The following CASP6 variants were observed in gnomAD, a reference collection of about 807,000 sequenced individuals.
The protein encoded by CASP6 is caspase-6.
In CASP6, 20 loss-of-function variants were observed where a neutral mutation model predicts 31.8. The observed-to-expected ratio is 0.63, with a 90% CI of 0.44 to 0.91. CASP6 has a LOEUF of 0.91. Ranked by LOEUF, CASP6 falls within the 40% of genes least tolerant of loss-of-function variation. CASP6 has a pLI of 0.00. For missense variants in CASP6, 328 were observed against 361.1 expected, an observed-to-expected ratio of 0.91 and a Z score of 0.74; for synonymous variants, 130 against 127.8, an observed-to-expected ratio of 1.02 and a Z score of -0.12.
chr4:109,708,340 T>G (rs1321849931), upstream of CASP6, among the ~76,000 whole-genome samples: 1 of 152,240 alleles, frequency 6.6e-6, no homozygotes, highest in Non-Finnish European at 1.5e-5. Context: ...TAAGTGACTG[T>G]GAAGGACTCA....
chr4:109,697,406 G>C (rs1730279844), intron 3 of CASP6, among the ~76,000 whole-genome samples: 1 of 150,264 alleles, frequency 6.7e-6, no homozygotes, highest in Admixed American at 6.6e-5. Flanking sequence ...AGAGTAGCTG[G>C]GACTACCGCC....
chr4:109,666,944 G>A, the CASP6 span, among the ~76,000 whole-genome samples: 23 of 152,204 alleles, frequency 1.5e-4, no homozygotes, highest in Admixed American at 9.2e-4. Flanking sequence ...ATCCCACTTA[G>A]TTGTGGTGTA....
At chr4:109,682,893 C>T in the CASP6 span, 1 of 581,134 alleles carries the variant, frequency 1.7e-6, no homozygotes, top group Non-Finnish European at 3.0e-6. Flanking sequence ...CTTTTATCTT[C>T]CTCATTTTTC....
upstream of CASP6, among the ~76,000 whole-genome samples, chr4:109,705,979 A>T (rs1730587437): frequency 2.4e-5 from 1 of 41,668 alleles, no homozygotes; most frequent in African/African-American, 1.5e-4. Flanking sequence ...CTCTTTAAAA[A>T]AAAAAAAAAA....
At chr4:109,680,732 GAC>G in the CASP6 span, among the ~76,000 whole-genome samples, 2 of 152,176 alleles carry the variant, frequency 1.3e-5, no homozygotes, top group Non-Finnish European at 2.9e-5. Context: ...CAGGACTACT[GAC>G]ACAAACTGGA....
the CASP6 span, among the ~76,000 whole-genome samples, chr4:109,664,934 T>C: frequency 9.6e-5 from 9 of 93,720 alleles, no homozygotes; most frequent in African/African-American, 4.9e-4. Context: ...GTATAGCTCT[T>C]AACTCTTGTA....
At position 109,690,896 on chromosome 4, in the gene CASP6, C is replaced by T. The variant is rs1221820476; in HGVS notation, c.597G>A (p.Thr199=). The T allele has an allele frequency of 3.7e-6, 6 of 1,612,920 alleles. No individual in the cohort carries two copies. In the East Asian group the frequency reaches 6.7e-5, roughly 18 times the overall value. The change falls in exon 6 of 7, where the codon ACG becomes ACA. Residue 199 remains threonine, a synonymous_variant. Coordinates refer to ENST00000265164, the MANE Select transcript of CASP6 (RefSeq NM_001226.4). ...ITEVDAASVY[T]LPAGADFLMC... is the part of the protein sequence containing the mutation. ...TGAGGAAGTCAGCTCCAGCAGGCAG[C>T]GTGTAAACGGAGGCTGCATCCACCT... is the stretch of plus-strand genomic sequence containing the variant.
At chr4:109,709,065 T>C in the CASP6 span, among the ~76,000 whole-genome samples, 1 of 152,340 alleles carries the variant, frequency 6.6e-6, no homozygotes, top group South Asian at 2.1e-4. Context: ...TCCAGAGTTT[T>C]TGAGACAGTA....
chr4:109,705,999 AAAATATATATATATATATATATATAT>A (rs1730595477), upstream of CASP6, among the ~76,000 whole-genome samples: 1 of 36,014 alleles, frequency 2.8e-5, no homozygotes, highest in Non-Finnish European at 4.6e-5. Context: ...AAAAAAAAAA[AAAATATATATATATATATATATATAT>A]ATATATAATA....
the CASP6 span, among the ~76,000 whole-genome samples, chr4:109,677,106 G>GGT: frequency 6.6e-6 from 1 of 152,226 alleles, no homozygotes; most frequent in Non-Finnish European, 1.5e-5. Flanking sequence ...GTATCCACAA[G>GGT]GTGGCATATG....
At chr4:109,685,114 C>T (rs1729807411), downstream of CASP6, 1 of 578,486 alleles carries the variant, frequency 1.7e-6, no homozygotes, top group Non-Finnish European at 3.1e-6. Context: ...TATGCTTACT[C>T]TCATGGCCAT....
chr4:109,696,413 C>T lies in CASP6; in HGVS notation c.304G>A (p.Glu102Lys). 1 of 1,610,394 alleles carries T rather than the reference C, an allele frequency of 6.2e-7. No homozygotes were observed. The highest frequency in any genetic ancestry group is 8.5e-7 in the Non-Finnish European group (1 of 1,177,598). Residue 102 changes from glutamate to lysine, a missense_variant, in exon 4 of 7, where the codon GAG (glutamate) becomes AAG (lysine). Physicochemically the swap from Glu to Lys is moderately conservative, Grantham distance 56 (BLOSUM62 1). Coordinates refer to ENST00000265164, the MANE Select transcript of CASP6 (RefSeq NM_001226.4). ...ATATGATAGCAAAACTACCTACCCT[C>T]ATGAATTTTGAGCAGTAGTTCTTCT... Reference protein sequence around the residue: ...KAEELLLKIHEVSTVSHADAD... With the variant: ...KAEELLLKIHKVSTVSHADAD...
At chr4:109,698,180 A>G in intron 2 of CASP6, 120 bp downstream of exon 2, 1 of 1,058,826 alleles carries the variant, frequency 9.4e-7, no homozygotes, top group Non-Finnish European at 1.4e-6. Context: ...CCCAAAGGCT[A>G]AAACTTGGCC....
chr4:109,686,512 T>C (rs1729841014), downstream of CASP6, among the ~76,000 whole-genome samples: 1 of 152,224 alleles, frequency 6.6e-6, no homozygotes. Flanking sequence ...TAAAAAAAAT[T>C]TGTGGATTCC....
At chr4:109,668,922 A>C in the CASP6 span, among the ~76,000 whole-genome samples, 1 of 152,102 alleles carries the variant, frequency 6.6e-6, no homozygotes, top group East Asian at 1.9e-4. Context: ...TATAATAACA[A>C]AATAATCCTG....
In CASP6 at chr4:109,697,136, C is replaced by T. The variant is rs150113361; in HGVS notation, c.230+486G>A. Among the ~76,000 whole-genome samples the T allele has an allele frequency of 3.3e-3, 496 of 152,094 alleles. 6 individuals carry two copies. Among genetic ancestry groups the T allele is most frequent in the African/African-American group, 0.011 (456 of 41,502 alleles). On this transcript the variant is annotated intron_variant, in intron 3 of 6. Coordinates refer to ENST00000265164, the MANE Select transcript of CASP6 (RefSeq NM_001226.4). ...CTGCATCAAAGCAAGGCCCATGCTC[C>T]AACACTCTTGATCTGTTGTTACCTC...
upstream of CASP6, among the ~76,000 whole-genome samples, chr4:109,706,045 T>G (rs1294901991): frequency 1.2e-5 from 1 of 85,526 alleles, no homozygotes; most frequent in Non-Finnish European, 2.3e-5. Context: ...ATATATAAAA[T>G]ACATATATAA....
At chr4:109,703,296 C>T in intron 1 of CASP6, 60 bp downstream of exon 1, 1 of 1,562,976 alleles carries the variant, frequency 6.4e-7, no homozygotes, top group Non-Finnish European at 8.7e-7. Flanking sequence ...ACCCTCGTTT[C>T]CCCTCCAGCC....
chr4:109,669,641 T>C, the CASP6 span, among the ~76,000 whole-genome samples: 246 of 152,112 alleles, frequency 1.6e-3, no homozygotes, highest in Middle Eastern at 0.02. Flanking sequence ...AGTATTCTCA[T>C]TACATACATG....
Sources: gnomAD v4.1 joint callset for allele counts (sites outside exome capture counted in the v4.1 genomes callset) on GRCh38, gnomAD v4.1.1 for gene constraint, MANE v1.5 for transcripts, NCBI Gene and HGNC (gene_info 2026-07-23, HGNC 2026-07-21) for gene names.